Variants in USP19 observed in about 807,000 individuals in gnomAD.
USP19 encodes ubiquitin specific peptidase 19, also known as ubiquitin carboxyl-terminal hydrolase 19.
A neutral mutation model predicts 144.8 loss-of-function variants in USP19; 40 were observed. The observed-to-expected ratio is 0.28, with a 90% CI of 0.21 to 0.36. The LOEUF is 0.36. Among genes scored for constraint, USP19 ranks in the 10% least tolerant of loss-of-function variants. The probability of loss-of-function intolerance (pLI) is 1.00; values close to 1 mark genes in which losing one functional copy is unlikely to be tolerated. For missense variants in USP19, 1,518 were observed against 1,822.5 expected, an observed-to-expected ratio of 0.83 and a Z score of 3.04; for synonymous variants, 701 against 709.3, an observed-to-expected ratio of 0.99 and a Z score of 0.19.
chr3:49,112,639 G>A lies in USP19; in HGVS notation c.2506-10C>T. The A allele has an allele frequency of 6.2e-7, 1 of 1,610,192 alleles. No individual in the cohort carries two copies. The highest frequency in any genetic ancestry group is 1.3e-5 in the African/African-American group (1 of 75,014). ...AACGATTCTTAATTACCTGGGGACA[G>A]AGAACACACAGATCCCACGTGAGGA... On this transcript the variant is annotated splice_polypyrimidine_tract_variant and intron_variant, in intron 17 of 26. Coordinates refer to ENST00000417901, the MANE Select transcript of USP19 (RefSeq NM_001199161.2). The surrounding 1 kb of genome is among the most constrained non-coding windows in gnomAD (Gnocchi z 4.9).
At chr3:49,113,116 G>C (rs868212701) in intron 17 of USP19, among the ~76,000 whole-genome samples, 20 of 152,270 alleles carry the variant, frequency 1.3e-4, no homozygotes, top group Middle Eastern at 3.4e-3. Flanking sequence ...CAAGCTCCTT[G>C]TCTAAAAAGG....
At position 49,114,342 on chromosome 3, in the gene USP19, A is replaced by G. The variant is rs2043719740; in HGVS notation, c.2293-58T>C. The G allele has an allele frequency of 2.0e-6, 3 of 1,535,748 alleles. No homozygotes were observed. Among genetic ancestry groups the G allele is most frequent in the South Asian group, 1.1e-5 (1 of 87,160 alleles). On this transcript the variant is annotated intron_variant, in intron 15 of 26. Coordinates refer to ENST00000417901, the MANE Select transcript of USP19 (RefSeq NM_001199161.2). The surrounding 1 kb of genome is among the most constrained non-coding windows in gnomAD (Gnocchi z 4.5). ...ACACAGAGTGGGAGATAAGATGCTC[A>G]TGCTCAGAGAGCCCATTCCGGGGCT...
At position 49,114,305 on chromosome 3, in the gene USP19, C is replaced by T. The variant is rs1212724765; in HGVS notation, c.2293-21G>A. 2 of 1,606,742 alleles carry T rather than the reference C, an allele frequency of 1.2e-6. No individual in the cohort carries two copies. Among genetic ancestry groups the T allele is most frequent in the East Asian group, 2.2e-5 (1 of 44,848 alleles). Reference sequence around the variant, plus strand: ...GAGACCTGTGGATGTAGAGGTGGCACTGGGTAGCTGCACACAGAGTGGGAG... The same window carrying T: ...GAGACCTGTGGATGTAGAGGTGGCATTGGGTAGCTGCACACAGAGTGGGAG... On this transcript the variant is annotated intron_variant, in intron 15 of 26. Transcript: ENST00000417901. The surrounding 1 kb of genome is among the most constrained non-coding windows in gnomAD (Gnocchi z 4.5).
chr3:49,119,505 C>T (rs1271157304), intron 1 of USP19, among the ~76,000 whole-genome samples: 1 of 152,232 alleles, frequency 6.6e-6, no homozygotes, highest in African/African-American at 2.4e-5. Flanking sequence ...CAGTCCCACA[C>T]AGGTGAAAGC....
chr3:49,112,381 G>C lies in USP19; in HGVS notation c.2668C>G (p.Pro890Ala). Residue 890 changes from proline to alanine, a missense_variant, in exon 19 of 27, where the codon CCC (proline) becomes GCC (alanine). Physicochemically the swap from Pro to Ala is conservative, Grantham distance 27. Coordinates refer to ENST00000417901, the MANE Select transcript of USP19 (RefSeq NM_001199161.2). This position sits in a 1 kb window ranked among gnomAD's most constrained non-coding sequence, Gnocchi z 4.9. ...TGGCAGGCTGCACACTTGGAGATGG[G>C]GACGCTGGGCACCTGGGGGCGCTAG... Reference protein sequence around the residue: ...VQQRPQVPSVPISKCAACQRK... With the variant: ...VQQRPQVPSVAISKCAACQRK... 6.2e-7 allele frequency: 1 copy of C among 1,614,028 alleles called. No homozygotes were observed. Among genetic ancestry groups the C allele is most frequent in the Non-Finnish European group, 8.5e-7 (1 of 1,179,976 alleles).
chr3:49,112,106 C>T lies in USP19; in HGVS notation c.2766-58G>A. The T allele has an allele frequency of 6.3e-7, 1 of 1,595,906 alleles. No individual in the cohort carries two copies. Among genetic ancestry groups the T allele is most frequent in the Non-Finnish European group, 8.5e-7 (1 of 1,169,712 alleles). ...TAGCCCCATCTCCTATGACTCCATA[C>T]TGGGGGCTAGTCATAGTCCCTGGGA... On this transcript the variant is annotated intron_variant, in intron 19 of 26. Coordinates refer to ENST00000417901, the MANE Select transcript of USP19 (RefSeq NM_001199161.2). This position sits in a 1 kb window ranked among gnomAD's most constrained non-coding sequence, Gnocchi z 4.9.
chr3:49,109,239 TC>T lies in USP19; in HGVS notation c.4039-712del, dbSNP rs567286357. 841 of 1,448,638 alleles carry T rather than the reference TC, an allele frequency of 5.8e-4. 22 individuals carry two copies. The South Asian group carries it at 0.011, about 19-fold the overall frequency. 89.7% of individuals were successfully genotyped at this position (1,448,638 alleles called of 1,614,324 possible). A position where few individuals can be genotyped will look rare whatever the true frequency, so the allele number is the denominator to read the frequency against. ...CCCCGGGGGTGGGGAGGACCCAGTGTCCCTGAGACCCTTAGCCATGACAGTC... is the reference window on the plus strand; with the variant it reads ...CCCCGGGGGTGGGGAGGACCCAGTGTCCTGAGACCCTTAGCCATGACAGTC... On this transcript the variant is annotated intron_variant, in intron 26 of 26. Coordinates refer to ENST00000417901, the MANE Select transcript of USP19 (RefSeq NM_001199161.2).
Position 49,116,516 on chromosome 3 carries a change from C to T in USP19, c.1218G>A (p.Glu406=), listed in dbSNP as rs1384335600. The part of the protein sequence containing the change: ...DSVVVHVYVK[E]ICRDTSRVLF... The stretch of plus-strand genomic sequence containing the variant: ...GTACTCTTGAGGTGTCCCTGCAGAT[C>T]TCCTTCACGTACACGTGCACCACCA... Residue 406 remains glutamate, a synonymous_variant, in exon 8 of 27, where the codon GAG becomes GAA. Transcript: ENST00000417901. This position sits in a 1 kb window ranked among gnomAD's most constrained non-coding sequence, Gnocchi z 5.0. 2 of 1,614,236 alleles carry T rather than the reference C, an allele frequency of 1.2e-6. No homozygotes were observed. Among genetic ancestry groups the T allele is most frequent in the Admixed American group, 1.7e-5 (1 of 60,028 alleles).
chr3:49,116,507 C>G lies in USP19; in HGVS notation c.1227G>C (p.Arg409Ser). 1 of 1,614,192 alleles carries G rather than the reference C, an allele frequency of 6.2e-7. No individual in the cohort carries two copies. Among genetic ancestry groups the G allele is most frequent in the Non-Finnish European group, 8.5e-7 (1 of 1,180,024 alleles). The change falls in exon 8 of 27, where the codon AGG (arginine) becomes AGC (serine). Residue 409 changes from arginine (R) to serine (S), a missense_variant. By Grantham distance (110) the Arg-to-Ser change is moderately radical (BLOSUM62 -1). This residue lies in a region of USP19 where 707 missense variants were observed against 728.9 expected (regional missense o/e 0.97). Transcript: ENST00000417901. This position sits in a 1 kb window ranked among gnomAD's most constrained non-coding sequence, Gnocchi z 5.0. ...CACGGAAAAGTACTCTTGAGGTGTC[C>G]CTGCAGATCTCCTTCACGTACACGT... ...VVHVYVKEICRDTSRVLFREQ... is the reference protein window; with the variant it reads ...VVHVYVKEICSDTSRVLFREQ...
At position 49,117,649 on chromosome 3, in the gene USP19, G is replaced by T; in HGVS notation, c.472+8C>A. On this transcript the variant is annotated splice_region_variant and intron_variant, in intron 4 of 26. Transcript: ENST00000417901. The surrounding 1 kb of genome is among the most constrained non-coding windows in gnomAD (Gnocchi z 4.4). ...ACATACTACTGTGCTCAGGGCAGAT[G>T]GACACACCTGCAAACCGCACCACAC... The T allele has an allele frequency of 6.2e-7, 1 of 1,614,134 alleles. No homozygotes were observed. The highest frequency in any genetic ancestry group is 1.1e-5 in the South Asian group (1 of 91,080).
In USP19 at chr3:49,110,716, A is replaced by G; in HGVS notation, c.3693T>C (p.Pro1231=). Residue 1231 remains proline, a synonymous_variant, in exon 24 of 27, where the codon CCT becomes CCC. Coordinates refer to ENST00000417901, the MANE Select transcript of USP19 (RefSeq NM_001199161.2). This position sits in a 1 kb window ranked among gnomAD's most constrained non-coding sequence, Gnocchi z 6.1. ...RDKINDLVEF[P]VRNLDLSKFC... ...TACCAAGGTCCACTGCTTACCTAACAGGGAACTCCACCAAGTCATTGATCT... is the reference window on the plus strand; with the variant it reads ...TACCAAGGTCCACTGCTTACCTAACGGGGAACTCCACCAAGTCATTGATCT... 1 of 1,613,948 alleles carries G rather than the reference A, an allele frequency of 6.2e-7. No individual in the cohort carries two copies. The highest frequency in any genetic ancestry group is 8.5e-7 in the Non-Finnish European group (1 of 1,179,976).
chr3:49,108,474 G>C lies in USP19; in HGVS notation c.4093C>G (p.Arg1365Gly). ...GGCCGATCCACAGGGGGGGCGAAGC[G>C]TTCAGGGGCTGTCCGCGTGGGGGCC... ...EVAPTRTAPE[R>G]FAPPVDRPAP... Residue 1365 changes from arginine (R) to glycine (G), a missense_variant, in exon 27 of 27, where the codon CGC becomes GGC. Arg to Gly is a moderately radical substitution (Grantham distance 125). Coordinates refer to ENST00000417901, the MANE Select transcript of USP19 (RefSeq NM_001199161.2). The surrounding 1 kb of genome is among the most constrained non-coding windows in gnomAD (Gnocchi z 4.8). 1 of 1,329,766 alleles carries C rather than the reference G, an allele frequency of 7.5e-7. No individual in the cohort carries two copies. Among genetic ancestry groups the C allele is most frequent in the Non-Finnish European group, 9.7e-7 (1 of 1,027,810 alleles). The allele number at this position is 1,329,766 out of a possible 1,614,324, so 82.4% of individuals were successfully genotyped here.
Position 49,112,224 on chromosome 3 carries a change from G to T in USP19, c.2765+60C>A. 6.4e-7 allele frequency: 1 copy of T among 1,562,978 alleles called. No homozygotes were observed. The highest frequency in any genetic ancestry group is 1.2e-5 in the South Asian group (1 of 86,178). On this transcript the variant is annotated intron_variant, in intron 19 of 26. Coordinates refer to ENST00000417901, the MANE Select transcript of USP19 (RefSeq NM_001199161.2). This position sits in a 1 kb window ranked among gnomAD's most constrained non-coding sequence, Gnocchi z 4.9. ...ATATGTGCCTTGGTGTGAAGGGAAG[G>T]AGCAGGGTGGCACATGGAAGGTGGA...
At chr3:49,118,265 TTAA>T in intron 2 of USP19, 145 bp from the exon 3 acceptor site, 6 of 366,142 alleles carry the variant, frequency 1.6e-5, no homozygotes, top group Middle Eastern at 7.3e-4. Context: ...GACCCTGCCT[TTAA>T]AAAAAAAAAA....
In USP19 at chr3:49,117,444, G is replaced by A. The variant is rs766289527; in HGVS notation, c.599C>T (p.Ser200Phe). The change falls in exon 5 of 27, where the codon TCC becomes TTC. Residue 200 changes from serine to phenylalanine, a missense_variant. By Grantham distance (155) the Ser-to-Phe change is radical. This residue lies in a region of USP19 where 707 missense variants were observed against 728.9 expected (regional missense o/e 0.97). Coordinates refer to ENST00000417901, the MANE Select transcript of USP19 (RefSeq NM_001199161.2). This position sits in a 1 kb window ranked among gnomAD's most constrained non-coding sequence, Gnocchi z 4.4. ...PKKVPMLTWPSLLKKPLGTQE... is the reference protein window; with the variant it reads ...PKKVPMLTWPFLLKKPLGTQE... Reference sequence around the variant, plus strand: ...TGTACTACTAGAACTCACCAGGAGGGAGGGCCACGTGAGCATAGGCACCTT... The same window carrying A: ...TGTACTACTAGAACTCACCAGGAGGAAGGGCCACGTGAGCATAGGCACCTT... 5.6e-6 allele frequency: 9 copies of A among 1,614,146 alleles called. No homozygotes were observed. The highest frequency in any genetic ancestry group is 7.6e-6 in the Non-Finnish European group (9 of 1,180,032).
In USP19 at chr3:49,110,274, C is replaced by A. The variant is rs747580581; in HGVS notation, c.3948G>T (p.Arg1316=). 4.4e-6 allele frequency: 7 copies of A among 1,606,458 alleles called. No individual in the cohort carries two copies. The East Asian group carries it at 1.6e-4, about 36-fold the overall frequency. ...TRYAYVLFYR[R]RNSPVERPPR... ...GGGGCCTCTCCACAGGAGAGTTCCG[C>A]CGGCGGTAGAAGAGTACATAGGCAT... Residue 1316 remains arginine, a synonymous_variant, in exon 26 of 27, where the codon CGG becomes CGT. Transcript: ENST00000417901. The surrounding 1 kb of genome is among the most constrained non-coding windows in gnomAD (Gnocchi z 6.1).
At position 49,108,395 on chromosome 3, in the gene USP19, C is replaced by T. The variant is rs775142189; in HGVS notation, c.*17G>A. 33 of 1,133,830 alleles carry T rather than the reference C, an allele frequency of 2.9e-5. No homozygotes were observed. In the South Asian group the frequency reaches 5.4e-4, roughly 19 times the overall value. The allele number at this position is 1,133,830 out of a possible 1,614,324, so 70.2% of individuals were successfully genotyped here. ...TGGGTGTCCCAAACCCAGTCCCCCCCATCAGCCAGGGACCTGCTAATCCAC... is the reference window on the plus strand; with the variant it reads ...TGGGTGTCCCAAACCCAGTCCCCCCTATCAGCCAGGGACCTGCTAATCCAC... On this transcript the variant is annotated 3_prime_UTR_variant, in exon 27 of 27. Transcript: ENST00000417901. This position sits in a 1 kb window ranked among gnomAD's most constrained non-coding sequence, Gnocchi z 4.8.
Position 49,114,261 on chromosome 3 carries a change from A to T in USP19, c.2316T>A (p.Phe772Leu). 1 of 1,614,202 alleles carries T rather than the reference A, an allele frequency of 6.2e-7. No individual in the cohort carries two copies. Among genetic ancestry groups the T allele is most frequent in the Non-Finnish European group, 8.5e-7 (1 of 1,180,040 alleles). ...GTGGCAAGGGCACCGGCAGATAAAG[A>T]AACGGGTCAAAAGTGATGGAGACCT... Reference protein sequence around the residue: ...CAKVSITFDPFLYLPVPLPQK... With the variant: ...CAKVSITFDPLLYLPVPLPQK... The change falls in exon 16 of 27, where the codon TTT (phenylalanine) becomes TTA (leucine). Residue 772 changes from phenylalanine (F) to leucine (L), a missense_variant. By Grantham distance (22) the Phe-to-Leu change is conservative. This residue lies in a region of USP19 where 413 missense variants were observed against 515.8 expected (regional missense o/e 0.80). Transcript: ENST00000417901. The surrounding 1 kb of genome is among the most constrained non-coding windows in gnomAD (Gnocchi z 4.5).
chr3:49,110,117 T>A lies in USP19; in HGVS notation c.4038+67A>T. The A allele has an allele frequency of 7.0e-7, 1 of 1,436,022 alleles. No homozygotes were observed. The highest frequency in any genetic ancestry group is 9.1e-7 in the Non-Finnish European group (1 of 1,097,332). The allele number at this position is 1,436,022 out of a possible 1,614,324, so 89.0% of individuals were successfully genotyped here. On this transcript the variant is annotated intron_variant, in intron 26 of 26. Coordinates refer to ENST00000417901, the MANE Select transcript of USP19 (RefSeq NM_001199161.2). This position sits in a 1 kb window ranked among gnomAD's most constrained non-coding sequence, Gnocchi z 6.1. ...TGTGGCTGGAGGAGAGGAAGCTATA[T>A]CCCCCAACCCGGCCCCAGTCTGTGA...
Sources: allele counts gnomAD v4.1 joint callset (sites outside exome capture counted in the v4.1 genomes callset), GRCh38; gene constraint gnomAD v4.1.1; regional missense constraint gnomAD v4.1.1; non-coding constraint Gnocchi (gnomAD v3.1); transcripts MANE v1.5; gene names NCBI Gene and HGNC (gene_info 2026-07-23, HGNC 2026-07-21).